DAB1: variants seen among roughly 807,000 people sequenced by gnomAD.
The protein encoded by DAB1 is DAB adaptor protein 1.
In DAB1, 15 loss-of-function variants were observed where a neutral mutation model predicts 64.6. That is an observed-to-expected ratio of 0.23 (90% confidence interval 0.16 to 0.36). The LOEUF (loss-of-function observed/expected upper bound fraction) is 0.36, where lower values mean the gene tolerates loss of function less well. Ranked by LOEUF, DAB1 falls within the 10% of genes least tolerant of loss-of-function variation. The probability of loss-of-function intolerance (pLI) is 1.00; values close to 1 mark genes in which losing one functional copy is unlikely to be tolerated. For missense variants in DAB1, 596 were observed against 706.7 expected (o/e 0.84, Z 1.78); for synonymous variants, 235 against 251.9 (o/e 0.93, Z 0.64).
At chr1:57,939,382 G>C (rs2102049106) in intron 5 of DAB1, among the ~76,000 whole-genome samples, 1 of 152,274 alleles carries the variant, frequency 6.6e-6, no homozygotes, top group Admixed American at 6.5e-5. Flanking sequence ...CCTTTCCAGT[G>C]AATGTCCCAT....
chr1:57,967,000 C>T (rs570747164), intron 5 of DAB1, among the ~76,000 whole-genome samples: 4 of 148,936 alleles, frequency 2.7e-5, no homozygotes, highest in Admixed American at 6.7e-5. Flanking sequence ...CTCAGGTGTC[C>T]TTACTGCAAT....
At chr1:57,383,879 C>A (rs1681577129) in intron 1 of DAB1, among the ~76,000 whole-genome samples, 2 of 152,096 alleles carry the variant, frequency 1.3e-5, no homozygotes, top group Admixed American at 6.5e-5. Context: ...ACCAAAAGCA[C>A]AAACAACAAA....
intron 4 of DAB1, among the ~76,000 whole-genome samples, chr1:57,098,688 G>A (rs1654394272): frequency 6.6e-6 from 1 of 152,154 alleles, no homozygotes; most frequent in Non-Finnish European, 1.5e-5. Flanking sequence ...ACAATTTAGG[G>A]ATTAATTCTA....
rs182467547 is a variant in DAB1 at position 57,042,524 on chromosome 1, A to G, written c.724-16481T>C. Among the ~76,000 whole-genome samples, 9 of 152,276 alleles carry G rather than the reference A, an allele frequency of 5.9e-5. No individual in the cohort carries two copies. The East Asian group carries it at 1.7e-3, about 29-fold the overall frequency. On this transcript the variant is annotated intron_variant, in intron 9 of 14. Transcript: ENST00000371236. ...GCATCACACATGTCCAGGCACAATG[A>G]CTATTACCTTCCCTCTTTTCTACTA...
Position 57,158,811 on chromosome 1 carries a change from C to T in DAB1, c.68-13382G>A, listed in dbSNP as rs182084926. ...ATGAACATGGTTGCTGTCATTATTG[C>T]TAAAAGGTAAACTAATTAAAGAGCT... On this transcript the variant is annotated intron_variant, in intron 2 of 14. Coordinates refer to ENST00000371236, the MANE Select transcript of DAB1 (RefSeq NM_001365792.1). 1.8e-3 allele frequency among the ~76,000 whole-genome samples: 277 copies of T among 152,294 alleles called. 1 individual carries two copies. The highest frequency in any genetic ancestry group is 6.4e-3 in the African/African-American group (266 of 41,566).
chr1:57,084,124 C>T (rs1652825656), intron 4 of DAB1, among the ~76,000 whole-genome samples: 1 of 152,112 alleles, frequency 6.6e-6, no homozygotes, highest in Non-Finnish European at 1.5e-5. Context: ...AGAAAGTGAT[C>T]TTATTTAAAA....
chr1:58,296,127 A>AAG (rs1553173544), intron 4 of DAB1, among the ~76,000 whole-genome samples: 5 of 135,342 alleles, frequency 3.7e-5, no homozygotes, highest in African/African-American at 1.3e-4. Context: ...GCGAGAAAGA[A>AAG]AAAAAAGAAA....
At chr1:57,375,584 C>G (rs552660523) in intron 1 of DAB1, among the ~76,000 whole-genome samples, 2 of 152,146 alleles carry the variant, frequency 1.3e-5, no homozygotes, top group African/African-American at 4.8e-5. Context: ...GGCTACTAAA[C>G]ATAAGGGCCA....
intron 3 of DAB1, among the ~76,000 whole-genome samples, chr1:57,141,000 G>A (rs975969932): frequency 6.6e-6 from 1 of 152,130 alleles, no homozygotes; most frequent in African/African-American, 2.4e-5. Context: ...TTATGACTGT[G>A]CTCTCCAGGG....
intron 4 of DAB1, among the ~76,000 whole-genome samples, chr1:58,316,585 A>G (rs906105727): frequency 1.2e-4 from 18 of 152,130 alleles, no homozygotes; most frequent in Admixed American, 8.5e-4. Context: ...TATGGTGAGT[A>G]GTGCTAGGGA....
chr1:58,118,024 C>T (rs990795893), intron 5 of DAB1, among the ~76,000 whole-genome samples: 1 of 151,812 alleles, frequency 6.6e-6, no homozygotes, highest in African/African-American at 2.4e-5. Flanking sequence ...CTACCTCAGC[C>T]TCCTGAGTAG....
At chr1:57,996,701 G>T (rs1332058196) in intron 5 of DAB1, among the ~76,000 whole-genome samples, 1 of 152,206 alleles carries the variant, frequency 6.6e-6, no homozygotes, top group Admixed American at 6.5e-5. Context: ...CTGCATAGAT[G>T]TCAGACAATC....
intron 5 of DAB1, among the ~76,000 whole-genome samples, chr1:58,024,917 C>T (rs1417788724): frequency 6.6e-6 from 1 of 152,130 alleles, no homozygotes. Context: ...AAATCAGCAG[C>T]TATCTTGGGT....
chr1:57,360,887 C>T (rs1289141178), intron 1 of DAB1, among the ~76,000 whole-genome samples: 1 of 152,064 alleles, frequency 6.6e-6, no homozygotes, highest in African/African-American at 2.4e-5. Context: ...GAGGAAAATT[C>T]TGTTTATCCA....
chr1:57,405,642 A>G (rs1384389140), intron 1 of DAB1, among the ~76,000 whole-genome samples: 3 of 152,242 alleles, frequency 2.0e-5, no homozygotes, highest in Admixed American at 2.0e-4. Flanking sequence ...ACATGAGTCC[A>G]GTATTCTGTT....
intron 14 of DAB1, among the ~76,000 whole-genome samples, chr1:57,004,234 C>A (rs768581143): frequency 6.6e-6 from 1 of 152,184 alleles, no homozygotes. Context: ...AGCCCCAGCT[C>A]TTTGGCATGA....
chr1:57,268,049 A>T (rs1028934259), intron 2 of DAB1, among the ~76,000 whole-genome samples: 32 of 152,272 alleles, frequency 2.1e-4, no homozygotes, highest in African/African-American at 7.7e-4. Flanking sequence ...ACATGTAGGG[A>T]TTTCTCCATG....
intron 4 of DAB1, among the ~76,000 whole-genome samples, chr1:58,326,072 T>G (rs1662815903): frequency 6.6e-6 from 1 of 152,194 alleles, no homozygotes; most frequent in Non-Finnish European, 1.5e-5. Context: ...CAGGGGACAA[T>G]GTATTCAGCT....
intron 5 of DAB1, among the ~76,000 whole-genome samples, chr1:57,889,985 C>T (rs983313624): frequency 6.7e-6 from 1 of 149,422 alleles, no homozygotes; most frequent in African/African-American, 2.5e-5. Context: ...GCTTTCTTCT[C>T]ATAAGAAGGC....
Sources: allele counts gnomAD v4.1 joint callset (sites outside exome capture counted in the v4.1 genomes callset), GRCh38; gene constraint gnomAD v4.1.1; transcripts MANE v1.5; gene names NCBI Gene and HGNC (gene_info 2026-07-23, HGNC 2026-07-21).